KDM4C: variants seen among roughly 807,000 people sequenced by gnomAD.
KDM4C encodes the protein lysine demethylase 4C.
KDM4C carries 81 observed loss-of-function variants against 129.3 expected under a neutral mutation model. That is an observed-to-expected ratio of 0.63 (90% CI 0.52 to 0.75). The LOEUF (loss-of-function observed/expected upper bound fraction) is 0.75, where lower values mean the gene tolerates loss of function less well. KDM4C is among the 30% of genes least tolerant of loss of function. The pLI is 0.00. For synonymous variants in KDM4C, 573 were observed against 456.1 expected, an observed-to-expected ratio of 1.26 and a Z score of -3.26; for missense variants, 1,457 against 1,304.0, an observed-to-expected ratio of 1.12 and a Z score of -1.81.
chr9:7,159,607 A>T (rs1843559283), intron 19 of KDM4C, among the ~76,000 whole-genome samples: 1 of 152,152 alleles, frequency 6.6e-6, no homozygotes, highest in Non-Finnish European at 1.5e-5. Flanking sequence ...GTTTGGCTGG[A>T]TATGAAATTC....
chr9:6,742,907 A>G (rs1563922121), intron 1 of KDM4C, among the ~76,000 whole-genome samples: 1 of 152,056 alleles, frequency 6.6e-6, no homozygotes, highest in East Asian at 1.9e-4. Flanking sequence ...TCTCACCAGG[A>G]GGCTGAGGCA....
At chr9:6,936,623 T>A (rs1261412461) in intron 8 of KDM4C, among the ~76,000 whole-genome samples, 1 of 152,220 alleles carries the variant, frequency 6.6e-6, no homozygotes, top group African/African-American at 2.4e-5. Context: ...ATCATTCTGA[T>A]GAATGAGAAT....
Position 7,114,091 on chromosome 9 carries a change from A to G in KDM4C, c.2610+10221A>G, listed in dbSNP as rs150841215. Among the ~76,000 whole-genome samples, 218 of 152,264 alleles carry G rather than the reference A, an allele frequency of 1.4e-3. 2 individuals are homozygous for G. Among genetic ancestry groups the G allele is most frequent in the African/African-American group, 4.9e-3 (204 of 41,568 alleles). On this transcript the variant is annotated intron_variant, in intron 18 of 21. Transcript: ENST00000381309. ...GGTTAAAACTGGTTTAATACCAGCA[A>G]TTTCATATTATTTGATGTAAAACAT...
At chr9:6,901,149 C>G (rs1166222079) in intron 8 of KDM4C, among the ~76,000 whole-genome samples, 1 of 152,112 alleles carries the variant, frequency 6.6e-6, no homozygotes, top group African/African-American at 2.4e-5. Context: ...AAGCAGTGGG[C>G]AGAACATGAG....
chr9:7,120,827 A>G (rs1036497630), intron 18 of KDM4C, among the ~76,000 whole-genome samples: 3 of 152,154 alleles, frequency 2.0e-5, no homozygotes, highest in Non-Finnish European at 2.9e-5. Flanking sequence ...TTTTCTTCCT[A>G]ACTCACTTGG....
chr9:6,809,919 G>T (rs529967314), intron 3 of KDM4C, among the ~76,000 whole-genome samples: 1 of 152,214 alleles, frequency 6.6e-6, no homozygotes, highest in South Asian at 2.1e-4. Context: ...GTGCCTGGGA[G>T]GTTGATGCTA....
chr9:6,743,444 T>G (rs748140225), intron 1 of KDM4C, among the ~76,000 whole-genome samples: 19 of 152,144 alleles, frequency 1.2e-4, no homozygotes, highest in Non-Finnish European at 5.9e-5. Flanking sequence ...AGTTATCTTA[T>G]GTTGTTGTTA....
At chr9:7,124,611 A>G (rs563266757) in intron 18 of KDM4C, among the ~76,000 whole-genome samples, 59 of 152,318 alleles carry the variant, frequency 3.9e-4, no homozygotes, top group Non-Finnish European at 3.5e-4. Flanking sequence ...AAAGTCGTAA[A>G]CTGCGTAATT....
rs1321968543 is a variant in KDM4C at position 7,175,271 on chromosome 9, G to A, written c.*542G>A. On this transcript the variant is annotated 3_prime_UTR_variant, in exon 22 of 22. Transcript: ENST00000381309. ...AATGAGATTTACCCGTGTGCTATCT[G>A]TATTTCCCTTGTACAGAACTTTTAC... 2 of 152,866 alleles carry A rather than the reference G, an allele frequency of 1.3e-5. No individual in the cohort carries two copies. Among genetic ancestry groups the A allele is most frequent in the Non-Finnish European group, 2.9e-5 (2 of 68,214 alleles). The allele number at this position is 152,866 out of a possible 1,614,324, so 9.5% of individuals were successfully genotyped here.
intron 15 of KDM4C, among the ~76,000 whole-genome samples, chr9:7,029,109 G>A (rs897608452): frequency 6.6e-6 from 1 of 152,028 alleles, no homozygotes; most frequent in Non-Finnish European, 1.5e-5. Context: ...CCTTCTATTT[G>A]GCCATCTTGT....
At chr9:6,962,233 C>T (rs183283272) in intron 8 of KDM4C, among the ~76,000 whole-genome samples, 24 of 152,338 alleles carry the variant, frequency 1.6e-4, no homozygotes, top group African/African-American at 5.8e-4. Flanking sequence ...GAACACACAG[C>T]ATACATTATA....
At chr9:6,730,629 GTAA>G (rs1181245431) in intron 1 of KDM4C, among the ~76,000 whole-genome samples, 7 of 145,448 alleles carry the variant, frequency 4.8e-5, no homozygotes, top group East Asian at 2.0e-4. Context: ...AAAAAAAAAA[GTAA>G]TAATAATAAT....
At chr9:6,979,900 CAG>C (rs1816469015) in intron 8 of KDM4C, among the ~76,000 whole-genome samples, 1 of 152,140 alleles carries the variant, frequency 6.6e-6, no homozygotes. Context: ...TTGGTAGCGA[CAG>C]AGTGTGGTTT....
At chr9:7,155,748 C>T (rs1843101599) in intron 19 of KDM4C, among the ~76,000 whole-genome samples, 1 of 152,190 alleles carries the variant, frequency 6.6e-6, no homozygotes, top group African/African-American at 2.4e-5. Context: ...TTTCTTAATC[C>T]AGTCTAACAT....
At chr9:7,080,281 TTGACC>T (rs1834380946) in intron 17 of KDM4C, among the ~76,000 whole-genome samples, 2 of 152,052 alleles carry the variant, frequency 1.3e-5, no homozygotes, top group African/African-American at 2.4e-5. Flanking sequence ...TGAAATGGAG[TTGACC>T]TGCAAAGAGA....
At chr9:7,165,648 C>G (rs1001015711) in intron 20 of KDM4C, among the ~76,000 whole-genome samples, 1 of 152,234 alleles carries the variant, frequency 6.6e-6, no homozygotes, top group East Asian at 1.9e-4. Flanking sequence ...CCCACTGTTT[C>G]TGTTGTATGG....
intron 13 of KDM4C, 93 bp from the exon 14 acceptor site, chr9:7,013,695 A>G (rs1823113729): frequency 1.7e-6 from 2 of 1,153,582 alleles, no homozygotes; most frequent in Non-Finnish European, 2.5e-6. Flanking sequence ...GTTAGAAGTT[A>G]GTGTCTGGAA....
chr9:7,064,284 TATG>T (rs1172112820), intron 17 of KDM4C, among the ~76,000 whole-genome samples: 3 of 152,202 alleles, frequency 2.0e-5, no homozygotes, highest in East Asian at 1.9e-4. Flanking sequence ...ATATTGTCAA[TATG>T]ATATTTTAGA....
chr9:7,114,736 A>G (rs930820606), intron 18 of KDM4C, among the ~76,000 whole-genome samples: 3 of 152,044 alleles, frequency 2.0e-5, no homozygotes, highest in Non-Finnish European at 2.9e-5. Flanking sequence ...TGTCATTTCC[A>G]CCACAGAGTG....
Sources: gnomAD v4.1 joint callset for allele counts (sites outside exome capture counted in the v4.1 genomes callset) on GRCh38, gnomAD v4.1.1 for gene constraint, MANE v1.5 for transcripts, NCBI Gene and HGNC (gene_info 2026-07-23, HGNC 2026-07-21) for gene names.